The following RPS6KC1 variants were observed in gnomAD, a reference collection of about 807,000 sequenced individuals.
RPS6KC1 encodes the protein inactive ribosomal protein S6 kinase delta-1.
Under a neutral mutation model 103.8 loss-of-function variants are expected in RPS6KC1, and 54 were observed. That is an observed-to-expected ratio of 0.52 (90% CI 0.42 to 0.65). The LOEUF (loss-of-function observed/expected upper bound fraction) is 0.65, where lower values mean the gene tolerates loss of function less well. RPS6KC1 is among the 30% of genes least tolerant of loss of function. The pLI is 0.00. For synonymous variants in RPS6KC1, 439 were observed against 438.7 expected (o/e 1.00, Z -0.01); for missense variants, 1,151 against 1,253.8 (o/e 0.92, Z 1.24).
At chr1:213,471,948 C>G in the RPS6KC1 span, among the ~76,000 whole-genome samples, 1 of 152,132 alleles carries the variant, frequency 6.6e-6, no homozygotes, top group Admixed American at 6.6e-5. Flanking sequence ...TGAACTGGCT[C>G]TGCTCTGAGT....
At chr1:213,708,856 T>C in the RPS6KC1 span, among the ~76,000 whole-genome samples, 1 of 152,342 alleles carries the variant, frequency 6.6e-6, no homozygotes, top group East Asian at 1.9e-4. Flanking sequence ...ATTACACTTA[T>C]TGATTTGTGT....
At chr1:213,253,141 C>T (rs1448749984) in intron 12 of RPS6KC1, among the ~76,000 whole-genome samples, 2 of 152,128 alleles carry the variant, frequency 1.3e-5, no homozygotes, top group South Asian at 2.1e-4. Context: ...GTATTTCCTG[C>T]TGTATCTTGG....
chr1:213,368,108 T>A, the RPS6KC1 span, among the ~76,000 whole-genome samples: 2 of 152,228 alleles, frequency 1.3e-5, no homozygotes, highest in Admixed American at 1.3e-4. Flanking sequence ...CATAGGCCGC[T>A]AGTGGCCTCC....
At chr1:213,308,807 G>C in the RPS6KC1 span, among the ~76,000 whole-genome samples, 1 of 152,186 alleles carries the variant, frequency 6.6e-6, no homozygotes, top group Non-Finnish European at 1.5e-5. Context: ...TTGGCTCTCA[G>C]ATAATTTCAG....
At chr1:213,808,368 G>A in the RPS6KC1 span, among the ~76,000 whole-genome samples, 4 of 152,218 alleles carry the variant, frequency 2.6e-5, no homozygotes, top group African/African-American at 9.6e-5. Context: ...GTTTGTCTGT[G>A]CCCTGCCCCC....
At chr1:213,402,322 GC>G in the RPS6KC1 span, among the ~76,000 whole-genome samples, 1 of 152,196 alleles carries the variant, frequency 6.6e-6, no homozygotes, top group East Asian at 1.9e-4. Flanking sequence ...TGGTGCAGGA[GC>G]TGACACTGCC....
the RPS6KC1 span, among the ~76,000 whole-genome samples, chr1:213,739,374 A>T: frequency 1.3e-5 from 2 of 152,352 alleles, no homozygotes; most frequent in African/African-American, 4.8e-5. Context: ...GTAGGCTATT[A>T]GTAGTTAAGT....
At chr1:213,357,779 C>T in the RPS6KC1 span, among the ~76,000 whole-genome samples, 18 of 152,164 alleles carry the variant, frequency 1.2e-4, no homozygotes, top group South Asian at 6.2e-4. Flanking sequence ...GCTGAATGCA[C>T]GGTAGGGAGA....
At chr1:213,835,204 C>T in the RPS6KC1 span, among the ~76,000 whole-genome samples, 2 of 152,274 alleles carry the variant, frequency 1.3e-5, no homozygotes, top group Non-Finnish European at 2.9e-5. Flanking sequence ...GAGGCAGGAC[C>T]GGCTTGGAAT....
At chr1:213,333,024 G>A in the RPS6KC1 span, among the ~76,000 whole-genome samples, 2 of 152,138 alleles carry the variant, frequency 1.3e-5, no homozygotes. Context: ...GTGAACACCC[G>A]ACTCCACATC....
chr1:213,621,191 A>G, the RPS6KC1 span, among the ~76,000 whole-genome samples: 1 of 152,174 alleles, frequency 6.6e-6, no homozygotes, highest in Non-Finnish European at 1.5e-5. Flanking sequence ...GACTTGAGCT[A>G]TTTAATGTTT....
At chr1:213,401,400 C>G in the RPS6KC1 span, among the ~76,000 whole-genome samples, 10 of 152,324 alleles carry the variant, frequency 6.6e-5, 1 homozygote, top group African/African-American at 2.4e-4. Context: ...GACCAGGGCT[C>G]TTTCCACTGA....
At position 213,216,139 on chromosome 1, in the gene RPS6KC1, C is replaced by T. The variant is rs544351080; in HGVS notation, c.1045-14358C>T. On this transcript the variant is annotated intron_variant, in intron 8 of 14. Transcript: ENST00000366960. The stretch of plus-strand genomic sequence containing the variant: ...TGCTGTATTCAGGAAACCCATCTCA[C>T]ATGCAGAGACACACATAGGCTCAAA... Among the ~76,000 whole-genome samples the T allele has an allele frequency of 4.4e-4, 67 of 152,184 alleles. 1 individual carries two copies. The highest frequency in any genetic ancestry group is 3.2e-3 in the Admixed American group (49 of 15,278).
the RPS6KC1 span, among the ~76,000 whole-genome samples, chr1:213,476,048 G>A: frequency 9.4e-6 from 1 of 106,930 alleles, no homozygotes; most frequent in Non-Finnish European, 2.4e-5. Flanking sequence ...TGGCTGGTGT[G>A]ACTGGTGTGA....
At chr1:213,585,158 G>A in the RPS6KC1 span, among the ~76,000 whole-genome samples, 37 of 152,272 alleles carry the variant, frequency 2.4e-4, no homozygotes, top group South Asian at 7.5e-3. Flanking sequence ...AGGCTGTTGA[G>A]GTTAATTGAG....
chr1:213,700,314 C>T, the RPS6KC1 span, among the ~76,000 whole-genome samples: 22 of 152,010 alleles, frequency 1.4e-4, no homozygotes, highest in South Asian at 4.4e-3. Context: ...ACTGTCTTTT[C>T]CCTTGTGTAT....
chr1:213,098,771 A>G (rs1415384171), intron 3 of RPS6KC1, among the ~76,000 whole-genome samples: 1 of 152,210 alleles, frequency 6.6e-6, no homozygotes, highest in East Asian at 1.9e-4. Flanking sequence ...TGATTGTGAC[A>G]TTTACCAAAA....
chr1:213,792,078 C>T, the RPS6KC1 span, among the ~76,000 whole-genome samples: 1 of 152,144 alleles, frequency 6.6e-6, no homozygotes, highest in African/African-American at 2.4e-5. Context: ...TCTTCAATTC[C>T]CCAATACTGT....
chr1:213,329,574 AT>A, the RPS6KC1 span, among the ~76,000 whole-genome samples: 305 of 145,970 alleles, frequency 2.1e-3, no homozygotes, highest in Middle Eastern at 3.6e-3. Flanking sequence ...TATTCAGTTG[AT>A]TTTTTTTTTT....
Sources: allele counts gnomAD v4.1 joint callset (sites outside exome capture counted in the v4.1 genomes callset), GRCh38; gene constraint gnomAD v4.1.1; transcripts MANE v1.5; gene names NCBI Gene and HGNC (gene_info 2026-07-23, HGNC 2026-07-21).